Variants in LVRN observed in about 807,000 individuals in gnomAD.
The protein encoded by LVRN is laeverin, also known as aminopeptidase Q.
In LVRN, 99 loss-of-function variants were observed where a neutral mutation model predicts 111.4. The observed-to-expected ratio is 0.89, with a 90% confidence interval of 0.76 to 1.05. The LOEUF is 1.05. LVRN is among the 50% of genes least tolerant of loss of function. The pLI is 0.00. For missense variants in LVRN, 1,414 were observed against 1,206.8 expected (o/e 1.17, Z -2.54); for synonymous variants, 488 against 449.5 (o/e 1.09, Z -1.08).
At chr5:115,964,532 T>C (rs1294857853) in intron 1 of LVRN, among the ~76,000 whole-genome samples, 1 of 152,218 alleles carries the variant, frequency 6.6e-6, no homozygotes, top group African/African-American at 2.4e-5. Context: ...CTTTTGAAAT[T>C]ACTGTGTAGG....
chr5:115,964,078 C>T lies in LVRN; in HGVS notation c.695+766C>T, dbSNP rs562648235. On this transcript the variant is annotated intron_variant, in intron 1 of 19. Transcript: ENST00000357872. ...CTCCTACACGGAATGTTTCCTGCCC[C>T]TGCACAAGAATTGTCTCTTTCCACG... 3.9e-5 allele frequency among the ~76,000 whole-genome samples: 6 copies of T among 152,366 alleles called. No homozygotes were observed. In the South Asian group the frequency reaches 6.2e-4, roughly 16 times the overall value.
chr5:116,015,493 T>C, intron 17 of LVRN, 74 bp downstream of exon 17: 2 of 1,478,472 alleles, frequency 1.4e-6, no homozygotes, highest in South Asian at 2.9e-5. Flanking sequence ...AATAGAAATG[T>C]GCTAATGTAA....
At chr5:116,007,751 G>A (rs1211390973) in intron 13 of LVRN, among the ~76,000 whole-genome samples, 1 of 152,196 alleles carries the variant, frequency 6.6e-6, no homozygotes, top group East Asian at 1.9e-4. Flanking sequence ...ATAACTCTGA[G>A]TCAAGCAAGT....
chr5:115,987,970 G>A lies in LVRN; in HGVS notation c.1105+31G>A, dbSNP rs200256588. 2,067 of 1,596,578 alleles carry A rather than the reference G, an allele frequency of 1.3e-3. 1 individual carries two copies. Among genetic ancestry groups the A allele is most frequent in the Middle Eastern group, 1.9e-3 (11 of 5,934 alleles). ...GTAATCTTTTCCTTTCAGTGCATTTGGTTTCCTGTTATTTGGGCCCTTGGT... is the reference window on the plus strand; with the variant it reads ...GTAATCTTTTCCTTTCAGTGCATTTAGTTTCCTGTTATTTGGGCCCTTGGT... On this transcript the variant is annotated intron_variant, in intron 4 of 19. Coordinates refer to ENST00000357872, the MANE Select transcript of LVRN (RefSeq NM_173800.5).
rs552508217 is a variant in LVRN at position 116,022,318 on chromosome 5, A to C, written c.2757-73A>C. Reference sequence around the variant, plus strand: ...AATAGGGGCCATACACTTGACCTTCATCTGCTATATAAAATATAGCTTTAT... The same window carrying C: ...AATAGGGGCCATACACTTGACCTTCCTCTGCTATATAAAATATAGCTTTAT... On this transcript the variant is annotated intron_variant, in intron 18 of 19. Transcript: ENST00000357872. 1.7e-5 allele frequency: 17 copies of C among 1,018,982 alleles called. No homozygotes were observed. In the Admixed American group the frequency reaches 3.3e-4, roughly 20 times the overall value. The allele number at this position is 1,018,982 out of a possible 1,614,324, so 63.1% of individuals were successfully genotyped here.
rs1365834117 is a variant in LVRN, at chr5:116,021,991, CA to C, written c.2757-399del. Among the ~76,000 whole-genome samples, 5 of 152,278 alleles carry C rather than the reference CA, an allele frequency of 3.3e-5. No individual in the cohort carries two copies. The East Asian group carries it at 9.7e-4, about 29-fold the overall frequency. On this transcript the variant is annotated intron_variant, in intron 18 of 19. Coordinates refer to ENST00000357872, the MANE Select transcript of LVRN (RefSeq NM_173800.5). ...AATACAACATTTTTAAATACACGTT[CA>C]GGGGGCTTTAGTCAGCAGTTCTGAA...
intron 14 of LVRN, 104 bp from the exon 15 acceptor site, chr5:116,012,270 G>A: frequency 1.5e-6 from 1 of 658,512 alleles, no homozygotes; most frequent in South Asian, 1.7e-5. Context: ...AGAAATATCT[G>A]CCACTTGTCT....
chr5:115,966,662 T>C (rs1753209509), intron 1 of LVRN, among the ~76,000 whole-genome samples: 1 of 152,224 alleles, frequency 6.6e-6, no homozygotes, highest in South Asian at 2.1e-4. Flanking sequence ...CTGGGACAAA[T>C]GTTCACAAGT....
chr5:116,013,851 C>G (rs1195041651), intron 15 of LVRN, among the ~76,000 whole-genome samples: 1 of 152,050 alleles, frequency 6.6e-6, no homozygotes, highest in Admixed American at 6.6e-5. Context: ...CAGTGTACAC[C>G]CCTGCTCAGC....
intron 4 of LVRN, among the ~76,000 whole-genome samples, chr5:115,991,172 T>C (rs2112582787): frequency 6.6e-6 from 1 of 152,272 alleles, no homozygotes; most frequent in South Asian, 2.1e-4. Flanking sequence ...TTCACTGCCA[T>C]AAAAATCCCC....
At position 116,000,489 on chromosome 5, in the gene LVRN, T is replaced by G; in HGVS notation, c.1572T>G (p.Ser524Arg). ...SCFLNEHLFV[S>R]ALKSYLKTFS... ...TCTTGAATGAGCATTTATTTGTCAG[T>G]GCACTCAAGGTGAGTTTGCAAAATA... Residue 524 changes from serine (S) to arginine (R), a missense_variant, in exon 8 of 20, where the codon AGT (serine) becomes AGG (arginine). By Grantham distance (110) the Ser-to-Arg change is moderately radical. Coordinates refer to ENST00000357872, the MANE Select transcript of LVRN (RefSeq NM_173800.5). 4 of 1,614,172 alleles carry G rather than the reference T, an allele frequency of 2.5e-6. No homozygotes were observed. The highest frequency in any genetic ancestry group is 3.4e-6 in the Non-Finnish European group (4 of 1,179,996).
At chr5:115,982,770 A>ATTT (rs1747738182) in intron 1 of LVRN, among the ~76,000 whole-genome samples, 3 of 152,122 alleles carry the variant, frequency 2.0e-5, no homozygotes, top group Non-Finnish European at 4.4e-5. Flanking sequence ...GTTTTGTTCA[A>ATTT]TCAGCATGTA....
intron 1 of LVRN, chr5:115,975,018 G>T: frequency 5.8e-6 from 2 of 347,152 alleles, no homozygotes; most frequent in South Asian, 2.5e-5. Context: ...AGAAAACTTT[G>T]GATATAAATT....
At chr5:115,979,384 G>A (rs1428084) in intron 1 of LVRN, among the ~76,000 whole-genome samples, 1 of 152,156 alleles carries the variant, frequency 6.6e-6, no homozygotes, top group South Asian at 2.1e-4. Flanking sequence ...ATAGTTAGAA[G>A]GTTGCCCCTC....
intron 4 of LVRN, 147 bp downstream of exon 4, chr5:115,988,086 T>C (rs1747909783): frequency 2.7e-6 from 3 of 1,101,486 alleles, no homozygotes; most frequent in Non-Finnish European, 3.9e-6. Flanking sequence ...CTATGCCTTA[T>C]ACCTTCTGAA....
intron 4 of LVRN, 81 bp from the exon 5 acceptor site, chr5:115,992,042 T>C (rs978076651): frequency 7.3e-6 from 10 of 1,376,432 alleles, no homozygotes; most frequent in Non-Finnish European, 8.9e-6. Flanking sequence ...GGTAATTTTA[T>C]GATTTCATTT....
intron 18 of LVRN, among the ~76,000 whole-genome samples, chr5:116,017,700 A>G (rs182214737): frequency 1.3e-5 from 2 of 152,334 alleles, no homozygotes; most frequent in East Asian, 3.9e-4. Flanking sequence ...TCTCATTCAT[A>G]AAGTGAGGAT....
At position 116,021,882 on chromosome 5, in the gene LVRN, A is replaced by G. The variant is rs1748738910; in HGVS notation, c.2757-509A>G. On this transcript the variant is annotated intron_variant, in intron 18 of 19. Transcript: ENST00000357872. The stretch of plus-strand genomic sequence containing the variant: ...CACGCCTATTGAAACAAGCACAGGG[A>G]GAGCCATGGTGCTCAGCCTTCAGGG... The G allele has an allele frequency of 1.2e-5, 4 of 329,682 alleles. No homozygotes were observed. The Admixed American group carries it at 1.7e-4, about 14-fold the overall frequency. The allele number at this position is 329,682 out of a possible 1,614,324, so 20.4% of individuals were successfully genotyped here.
intron 16 of LVRN, 36 bp from the exon 17 acceptor site, chr5:116,015,216 A>G (rs765938547): frequency 3.4e-6 from 5 of 1,478,576 alleles, no homozygotes; most frequent in Admixed American, 2.1e-5. Context: ...AAACATAACT[A>G]CTATGAAAAA....
Sources: allele counts gnomAD v4.1 joint callset (sites outside exome capture counted in the v4.1 genomes callset), GRCh38; gene constraint gnomAD v4.1.1; transcripts MANE v1.5; gene names NCBI Gene and HGNC (gene_info 2026-07-23, HGNC 2026-07-21).